KCNIP4: variants seen among roughly 807,000 people sequenced by gnomAD.
KCNIP4 encodes the protein Kv channel-interacting protein 4.
KCNIP4 carries 12 observed loss-of-function variants against 34.0 expected under a neutral mutation model. The observed-to-expected ratio is 0.35, with a 90% CI of 0.23 to 0.57. The LOEUF is 0.57. KCNIP4 is among the 20% of genes least tolerant of loss of function. KCNIP4 has a pLI of 0.83. For synonymous variants in KCNIP4, 124 were observed against 102.2 expected, an observed-to-expected ratio of 1.21 and a Z score of -1.29; for missense variants, 238 against 311.7, an observed-to-expected ratio of 0.76 and a Z score of 1.78.
chr4:21,411,015 G>A (rs1015260835), intron 1 of KCNIP4, among the ~76,000 whole-genome samples: 36 of 152,126 alleles, frequency 2.4e-4, no homozygotes, highest in African/African-American at 8.7e-4. Flanking sequence ...AATGGCAGCA[G>A]AAATAGAGAA....
At chr4:21,051,189 T>C (rs1365927717) in intron 1 of KCNIP4, among the ~76,000 whole-genome samples, 1 of 152,216 alleles carries the variant, frequency 6.6e-6, no homozygotes, top group Non-Finnish European at 1.5e-5. Context: ...CAAAAACAAG[T>C]GTCATTTTTC....
chr4:21,549,807 T>G (rs1183970181), intron 1 of KCNIP4, among the ~76,000 whole-genome samples: 2 of 151,968 alleles, frequency 1.3e-5, no homozygotes, highest in African/African-American at 4.8e-5. Context: ...GAGATTAACT[T>G]TGGGACAATT....
intron 1 of KCNIP4, among the ~76,000 whole-genome samples, chr4:20,988,130 T>TATGG (rs1301351793): frequency 1.3e-5 from 2 of 151,938 alleles, no homozygotes; most frequent in African/African-American, 2.4e-5. Flanking sequence ...AAGCCTCATA[T>TATGG]ATGGCACTTG....
rs150515435 is a variant in KCNIP4, at chr4:20,863,861, A to C, written c.164-13194T>G. 3.4e-4 allele frequency among the ~76,000 whole-genome samples: 52 copies of C among 152,204 alleles called. No homozygotes were observed. The East Asian group carries it at 9.1e-3, about 27-fold the overall frequency. On this transcript the variant is annotated intron_variant, in intron 2 of 8. Coordinates refer to ENST00000382152, the MANE Select transcript of KCNIP4 (RefSeq NM_025221.6). ...ACCCCTGAACTTAGAAGTTAAAACG[A>C]AGGAAGAAAAAGAGCAAAGAACAAT...
chr4:20,813,647 G>A lies in KCNIP4; in HGVS notation c.288+36896C>T, dbSNP rs556778310. On this transcript the variant is annotated intron_variant, in intron 3 of 8. Transcript: ENST00000382152. The stretch of plus-strand genomic sequence containing the variant: ...CTGAACTTCTGTCAAAGCCAGGCAG[G>A]GGGGCACTAAAGAAGCTCACACAAC... Among the ~76,000 whole-genome samples the A allele has an allele frequency of 1.3e-3, 196 of 152,194 alleles. 5 individuals are homozygous for A. In the South Asian group the frequency reaches 0.039, roughly 30 times the overall value.
intron 3 of KCNIP4, among the ~76,000 whole-genome samples, chr4:20,782,778 T>A (rs918025060): frequency 1.3e-5 from 2 of 152,202 alleles, no homozygotes; most frequent in African/African-American, 4.8e-5. Context: ...GTCTTGGGAA[T>A]TAACATTCAG....
chr4:21,527,917 C>A (rs1042499224), intron 1 of KCNIP4, among the ~76,000 whole-genome samples: 1 of 152,084 alleles, frequency 6.6e-6, no homozygotes, highest in African/African-American at 2.4e-5. Context: ...GTTTGCTGTT[C>A]CCGTAAGGAA....
At position 21,642,855 on chromosome 4, in the gene KCNIP4, T is replaced by C. The variant is rs148710396; in HGVS notation, c.61+305716A>G. On this transcript the variant is annotated intron_variant, in intron 1 of 8. Transcript: ENST00000382152. ...TACAATGGAAATAAGGAAGAATATG[T>C]CTGAAATATAGAAGATCCTTAAGGC... 3.0e-3 allele frequency among the ~76,000 whole-genome samples: 458 copies of C among 152,240 alleles called. 3 individuals are homozygous for C. Among genetic ancestry groups the C allele is most frequent in the African/African-American group, 0.011 (438 of 41,556 alleles).
chr4:21,051,108 G>A (rs1393048759), intron 1 of KCNIP4, among the ~76,000 whole-genome samples: 5 of 152,234 alleles, frequency 3.3e-5, no homozygotes, highest in African/African-American at 2.4e-5. Context: ...TCCTTAAGGA[G>A]CTGAGCCCAT....
intron 3 of KCNIP4, among the ~76,000 whole-genome samples, chr4:20,801,645 T>C (rs557718838): frequency 3.9e-5 from 6 of 152,232 alleles, no homozygotes; most frequent in African/African-American, 9.6e-5. Flanking sequence ...AGATGTTTTA[T>C]GTAAGCCTCA....
Position 20,730,140 on chromosome 4 carries a change from G to GAAACACAGAGCGATT in KCNIP4, c.706-26_706-12dup. 6.2e-7 allele frequency: 1 copy of GAAACACAGAGCGATT among 1,602,028 alleles called. No homozygotes were observed. Among genetic ancestry groups the GAAACACAGAGCGATT allele is most frequent in the Non-Finnish European group, 8.5e-7 (1 of 1,175,368 alleles). The stretch of plus-strand genomic sequence containing the variant: ...CATTATGTTTTCATCCTGTAAGGGA[G>GAAACACAGAGCGATT]AAACACAGAGCGATTAAATTCAGCA... On this transcript the variant is annotated splice_polypyrimidine_tract_variant and intron_variant, in intron 8 of 8. Coordinates refer to ENST00000382152, the MANE Select transcript of KCNIP4 (RefSeq NM_025221.6).
intron 1 of KCNIP4, among the ~76,000 whole-genome samples, chr4:21,291,377 T>G (rs1194724293): frequency 1.5e-5 from 2 of 136,304 alleles, no homozygotes; most frequent in Non-Finnish European, 3.3e-5. Flanking sequence ...CAAATAGGTA[T>G]GTGTAGATGC....
chr4:21,321,026 T>C (rs1021098771), intron 1 of KCNIP4, among the ~76,000 whole-genome samples: 3 of 149,578 alleles, frequency 2.0e-5, no homozygotes, highest in Non-Finnish European at 4.4e-5. Flanking sequence ...AGGTCATGAA[T>C]TGTGGTAAAT....
intron 1 of KCNIP4, among the ~76,000 whole-genome samples, chr4:21,385,550 C>A (rs986362588): frequency 6.6e-6 from 1 of 152,154 alleles, no homozygotes; most frequent in Admixed American, 6.5e-5. Flanking sequence ...GATTCAATTT[C>A]TTAATCTCCA....
In KCNIP4 at chr4:21,370,737, C is replaced by T. The variant is rs556419675; in HGVS notation, c.62-488028G>A. On this transcript the variant is annotated intron_variant, in intron 1 of 8. Coordinates refer to ENST00000382152, the MANE Select transcript of KCNIP4 (RefSeq NM_025221.6). Reference sequence around the variant, plus strand: ...TGCCAGGTACAGGAGGTAGCATTTGCAAAGACCCAGGAAGGAAAAATGACT... The same window carrying T: ...TGCCAGGTACAGGAGGTAGCATTTGTAAAGACCCAGGAAGGAAAAATGACT... 2.4e-5 allele frequency among the ~76,000 whole-genome samples: 3 copies of T among 127,110 alleles called. No individual in the cohort carries two copies. In the South Asian group the frequency reaches 7.7e-4, roughly 32 times the overall value. The allele number at this position is 127,110 out of a possible 152,430, so 83.4% of individuals were successfully genotyped here. A position where few individuals can be genotyped will look rare whatever the true frequency, so the allele number is the denominator to read the frequency against.
rs1578059844 is a variant in KCNIP4, at chr4:21,310,186, C to A, written c.62-427477G>T. On this transcript the variant is annotated intron_variant, in intron 1 of 8. Coordinates refer to ENST00000382152, the MANE Select transcript of KCNIP4 (RefSeq NM_025221.6). ...TAGCTGGGAGTGCAGGCGTGCATCACCACAACCAGCTAATTTTTGTATTTT... is the reference window on the plus strand; with the variant it reads ...TAGCTGGGAGTGCAGGCGTGCATCAACACAACCAGCTAATTTTTGTATTTT... Among the ~76,000 whole-genome samples the A allele has an allele frequency of 4.0e-5, 6 of 151,830 alleles. 1 individual carries two copies. The highest frequency in any genetic ancestry group is 3.9e-4 in the Admixed American group (6 of 15,262).
intron 3 of KCNIP4, among the ~76,000 whole-genome samples, chr4:20,816,793 A>T (rs1039441315): frequency 6.6e-5 from 10 of 152,218 alleles, no homozygotes; most frequent in Non-Finnish European, 1.0e-4. Context: ...CATAGACCTA[A>T]TAATCAGGAC....
At chr4:21,936,733 C>A (rs1388003516) in intron 1 of KCNIP4, among the ~76,000 whole-genome samples, 1 of 152,112 alleles carries the variant, frequency 6.6e-6, no homozygotes, top group Non-Finnish European at 1.5e-5. Context: ...CCTTAGCCAC[C>A]AATCCTCACC....
intron 1 of KCNIP4, among the ~76,000 whole-genome samples, chr4:21,277,196 C>T (rs1473834463): frequency 6.6e-6 from 1 of 152,152 alleles, no homozygotes; most frequent in Non-Finnish European, 1.5e-5. Flanking sequence ...TCAGGCTCTT[C>T]TGATGAAAAT....
Sources: gnomAD v4.1 joint callset for allele counts (sites outside exome capture counted in the v4.1 genomes callset) on GRCh38, gnomAD v4.1.1 for gene constraint, MANE v1.5 for transcripts, NCBI Gene and HGNC (gene_info 2026-07-23, HGNC 2026-07-21) for gene names.